Variants in USP32 observed in about 807,000 individuals in gnomAD.
The protein encoded by USP32 is ubiquitin carboxyl-terminal hydrolase 32.
In USP32, 59 loss-of-function variants were observed where a neutral mutation model predicts 204.8. That is an observed-to-expected ratio of 0.29 (90% CI 0.23 to 0.36). The LOEUF is 0.36. Among genes scored for constraint, USP32 ranks in the 10% least tolerant of loss-of-function variants. The probability of loss-of-function intolerance (pLI) is 1.00; values close to 1 mark genes in which losing one functional copy is unlikely to be tolerated. For synonymous variants in USP32, 517 were observed against 678.4 expected (o/e 0.76, Z 3.70); for missense variants, 1,160 against 1,946.4 (o/e 0.60, Z 7.60).
intron 11 of USP32, chr17:60,245,415 C>A (rs1042517016): frequency 5.4e-5 from 21 of 391,576 alleles, no homozygotes; most frequent in African/African-American, 4.6e-4. Flanking sequence ...ACTTGTTGCA[C>A]GTCAGCAGCA....
At chr17:60,283,286 G>GT (rs2087019029) in intron 5 of USP32, among the ~76,000 whole-genome samples, 1 of 152,196 alleles carries the variant, frequency 6.6e-6, no homozygotes, top group Non-Finnish European at 1.5e-5. Context: ...AAGAACACAC[G>GT]TGAGGAGAAA....
chr17:60,363,465 A>AAG (rs1384660885), intron 1 of USP32, among the ~76,000 whole-genome samples: 1 of 149,646 alleles, frequency 6.7e-6, no homozygotes, highest in Non-Finnish European at 1.5e-5. Context: ...AAAAAAAAAA[A>AAG]AAAAAAAGCG....
intron 3 of USP32, among the ~76,000 whole-genome samples, chr17:60,298,919 T>TA (rs1180789563): frequency 2.6e-5 from 4 of 152,306 alleles, no homozygotes; most frequent in East Asian, 1.9e-4. Context: ...GGCCAGCAGT[T>TA]AGAGTCCAGC....
chr17:60,312,532 CCTCCCAAGAGTCCTTGGGAGTCTGAGGA>C (rs558160531), intron 2 of USP32, among the ~76,000 whole-genome samples: 5 of 151,720 alleles, frequency 3.3e-5, no homozygotes, highest in Non-Finnish European at 5.9e-5. Context: ...CTCAAGTGAT[CCTCCCAAGAGTCCTTGGGAGTCTGAGGA>C]CTCCCAAGTA....
intron 29 of USP32, among the ~76,000 whole-genome samples, chr17:60,187,820 T>C (rs943628068): frequency 6.6e-6 from 1 of 152,244 alleles, no homozygotes; most frequent in Non-Finnish European, 1.5e-5. Flanking sequence ...ATTGTTTAAA[T>C]AATCTATAAA....
chr17:60,272,032 C>T (rs1032976665), intron 5 of USP32, among the ~76,000 whole-genome samples: 1 of 152,150 alleles, frequency 6.6e-6, no homozygotes, highest in African/African-American at 2.4e-5. Flanking sequence ...TCAGGCTGGT[C>T]CCAAACTCCT....
At chr17:60,223,668 T>C (rs1430303456) in intron 13 of USP32, 82 bp from the exon 14 acceptor site, 5 of 1,179,372 alleles carry the variant, frequency 4.2e-6, no homozygotes, top group South Asian at 1.6e-5. Context: ...TCAATGCCCA[T>C]GTATTGTATT....
At chr17:60,275,643 A>G (rs990388623) in intron 5 of USP32, among the ~76,000 whole-genome samples, 2 of 152,190 alleles carry the variant, frequency 1.3e-5, no homozygotes, top group Non-Finnish European at 2.9e-5. Context: ...TCAGTTTAGC[A>G]AAGTAACTCT....
At chr17:60,363,901 G>C (rs1022130627) in intron 1 of USP32, among the ~76,000 whole-genome samples, 7 of 151,918 alleles carry the variant, frequency 4.6e-5, no homozygotes, top group Non-Finnish European at 7.4e-5. Flanking sequence ...GGAAGTGTTG[G>C]GGGGGCACCT....
chr17:60,391,750 A>T, intron 1 of USP32, 132 bp downstream of exon 1: 1 of 987,710 alleles, frequency 1.0e-6, no homozygotes, highest in Non-Finnish European at 1.5e-6. Flanking sequence ...ACACTCCCCA[A>T]GGCCGGCCGC....
chr17:60,220,222 C>T (rs939750599), intron 15 of USP32, among the ~76,000 whole-genome samples: 2 of 151,996 alleles, frequency 1.3e-5, no homozygotes, highest in African/African-American at 4.8e-5. Context: ...AGTCATGCTG[C>T]CATCTAAAGT....
chr17:60,195,281 T>C (rs573894320), intron 27 of USP32, among the ~76,000 whole-genome samples: 45 of 152,354 alleles, frequency 3.0e-4, no homozygotes, highest in African/African-American at 1.1e-3. Context: ...TTTCCTGAAA[T>C]ACTTCCTTCA....
intron 16 of USP32, among the ~76,000 whole-genome samples, chr17:60,215,235 G>C (rs1194639320): frequency 6.6e-6 from 1 of 152,146 alleles, no homozygotes; most frequent in Non-Finnish European, 1.5e-5. Flanking sequence ...GCTTCCCAAA[G>C]TGCTGGGATT....
intron 14 of USP32, among the ~76,000 whole-genome samples, chr17:60,222,948 C>T (rs939076384): frequency 3.3e-5 from 5 of 151,968 alleles, no homozygotes; most frequent in African/African-American, 4.8e-5. Context: ...TCCCAAAGTG[C>T]TAGGATTACA....
chr17:60,386,831 A>G lies in USP32; in HGVS notation c.58+5051T>C, dbSNP rs2089740324. Among the ~76,000 whole-genome samples the G allele has an allele frequency of 2.6e-5, 4 of 152,212 alleles. No homozygotes were observed. In the South Asian group the frequency reaches 8.3e-4, roughly 31 times the overall value. On this transcript the variant is annotated intron_variant, in intron 1 of 33. Coordinates refer to ENST00000300896, the MANE Select transcript of USP32 (RefSeq NM_032582.4). ...CTCTTGTCAGAGACACACCAAACCT[A>G]CGAACTAAAGATTAGTGAGGTGAAA... is the stretch of plus-strand genomic sequence containing the variant.
intron 12 of USP32, among the ~76,000 whole-genome samples, chr17:60,226,641 C>T (rs1235222670): frequency 1.3e-5 from 2 of 152,062 alleles, no homozygotes; most frequent in Non-Finnish European, 2.9e-5. Flanking sequence ...AAGAAAATAT[C>T]ACATGTACTC....
In USP32 at chr17:60,207,048, T is replaced by C. The variant is rs550445547; in HGVS notation, c.3010A>G (p.Ile1004Val). The change falls in exon 25 of 34, where the codon ATT (isoleucine) becomes GTT (valine). Residue 1004 changes from isoleucine to valine, a missense_variant. Around this residue, in one of 8 missense-constraint regions of USP32, gnomAD observed 47 missense variants for 71.1 expected, o/e 0.66. Transcript: ENST00000300896. The part of the protein sequence containing the change: ...AFEIPVPVSP[I>V]SASSPTQTDF... ...GTCTGTGTTGGACTAGAAGCTGAAA[T>C]TGGAGACACAGGGACAGGAATTTCA... The C allele has an allele frequency of 1.9e-6, 3 of 1,612,972 alleles. No individual in the cohort carries two copies. The highest frequency in any genetic ancestry group is 2.7e-5 in the African/African-American group (2 of 74,970).
At chr17:60,265,036 G>A (rs918120696) in intron 9 of USP32, among the ~76,000 whole-genome samples, 10 of 151,898 alleles carry the variant, frequency 6.6e-5, no homozygotes, top group Admixed American at 3.3e-4. Context: ...TGTGTTCTTC[G>A]ACTTCATATA....
chr17:60,303,581 T>G (rs7216838), intron 2 of USP32, among the ~76,000 whole-genome samples: 33,617 of 151,536 alleles, frequency 0.22, 9,345 homozygotes, highest in African/African-American at 0.66. Context: ...CTATAGCACT[T>G]AGGGTAACCA....
Sources: gnomAD v4.1 joint callset for allele counts (sites outside exome capture counted in the v4.1 genomes callset) on GRCh38, gnomAD v4.1.1 for gene constraint, gnomAD v4.1.1 regional missense constraint, MANE v1.5 for transcripts, NCBI Gene and HGNC (gene_info 2026-07-23, HGNC 2026-07-21) for gene names.